Variants in ST6GALNAC3 observed in about 807,000 individuals in gnomAD.
ST6GALNAC3 encodes the protein alpha-N-acetylgalactosaminide alpha-2,6-sialyltransferase 3.
A neutral mutation model predicts 32.7 loss-of-function variants in ST6GALNAC3; 25 were observed. That is an observed-to-expected ratio of 0.76 (90% CI 0.56 to 1.07). The LOEUF (loss-of-function observed/expected upper bound fraction) is 1.07, where lower values mean the gene tolerates loss of function less well. ST6GALNAC3 is among the 50% of genes least tolerant of loss of function. The probability of loss-of-function intolerance (pLI) is 0.00; values close to 1 mark genes in which losing one functional copy is unlikely to be tolerated. For missense variants in ST6GALNAC3, 355 were observed against 382.4 expected (o/e 0.93, Z 0.60); for synonymous variants, 129 against 133.1 (o/e 0.97, Z 0.21).
rs1657638995 is a variant in ST6GALNAC3 at position 76,454,603 on chromosome 1, A to C, written c.623+42186A>C. 2.0e-5 allele frequency among the ~76,000 whole-genome samples: 3 copies of C among 152,174 alleles called. No homozygotes were observed. The South Asian group carries it at 6.2e-4, about 32-fold the overall frequency. Reference sequence around the variant, plus strand: ...GTTGTTTTGTTTAAGGAGACTGAAAATAGGGCCCAAATCCCTTCTAGCTTG... The same window carrying C: ...GTTGTTTTGTTTAAGGAGACTGAAACTAGGGCCCAAATCCCTTCTAGCTTG... On this transcript the variant is annotated intron_variant, in intron 3 of 4. Coordinates refer to ENST00000328299, the MANE Select transcript of ST6GALNAC3 (RefSeq NM_152996.4).
At chr1:76,363,105 C>T (rs1436949469) in intron 2 of ST6GALNAC3, among the ~76,000 whole-genome samples, 1 of 152,196 alleles carries the variant, frequency 6.6e-6, no homozygotes, top group Admixed American at 6.6e-5. Context: ...CATGGACAGG[C>T]TGCAAATTTT....
chr1:76,360,335 T>C (rs1437321675), intron 2 of ST6GALNAC3, among the ~76,000 whole-genome samples: 1 of 152,180 alleles, frequency 6.6e-6, no homozygotes, highest in African/African-American at 2.4e-5. Context: ...TGTTGTTCTC[T>C]TTACATTCAG....
At chr1:76,122,531 C>A (rs867384982) in intron 1 of ST6GALNAC3, among the ~76,000 whole-genome samples, 1 of 152,104 alleles carries the variant, frequency 6.6e-6, no homozygotes, top group Non-Finnish European at 1.5e-5. Context: ...CAAGGTGAAC[C>A]GAAGACTCCT....
intron 1 of ST6GALNAC3, among the ~76,000 whole-genome samples, chr1:76,105,297 C>A (rs995551311): frequency 1.6e-4 from 24 of 152,200 alleles, no homozygotes; most frequent in Admixed American, 1.6e-3. Context: ...CATCCACTTA[C>A]CTCTAATGGC....
chr1:76,209,126 C>G (rs1165867946), intron 1 of ST6GALNAC3, among the ~76,000 whole-genome samples: 3 of 152,122 alleles, frequency 2.0e-5, no homozygotes, highest in Admixed American at 1.3e-4. Flanking sequence ...AATTTTCAGA[C>G]TGTTACTCTG....
intron 3 of ST6GALNAC3, among the ~76,000 whole-genome samples, chr1:76,460,024 A>G (rs1405616403): frequency 1.3e-5 from 2 of 152,222 alleles, no homozygotes; most frequent in African/African-American, 2.4e-5. Context: ...TGATGGATAC[A>G]GTAAGTCTAT....
At chr1:76,500,443 TC>T (rs1306041664) in intron 3 of ST6GALNAC3, among the ~76,000 whole-genome samples, 1 of 152,206 alleles carries the variant, frequency 6.6e-6, no homozygotes, top group Non-Finnish European at 1.5e-5. Context: ...TAAGATTCAT[TC>T]TGTAGGGCTG....
chr1:76,422,627 T>C (rs554065734), intron 3 of ST6GALNAC3, among the ~76,000 whole-genome samples: 2 of 152,104 alleles, frequency 1.3e-5, no homozygotes, highest in Admixed American at 6.6e-5. Context: ...TCCTGGACTT[T>C]CTGGGTTGGT....
intron 3 of ST6GALNAC3, among the ~76,000 whole-genome samples, chr1:76,607,931 G>T (rs1647669024): frequency 2.0e-5 from 3 of 152,148 alleles, no homozygotes; most frequent in Admixed American, 2.0e-4. Context: ...ATCTTTTGCA[G>T]CTATACTATC....
In ST6GALNAC3 at chr1:76,133,791, T is replaced by G. The variant is rs528544292; in HGVS notation, c.18+58907T>G. On this transcript the variant is annotated intron_variant, in intron 1 of 4. Transcript: ENST00000328299. The stretch of plus-strand genomic sequence containing the variant: ...CTTCCAGGAGGAGGATCCCACAGAC[T>G]TTTGCTCACTGCATCTTCTACAGGT... Among the ~76,000 whole-genome samples the G allele has an allele frequency of 5.5e-4, 83 of 152,272 alleles. No individual in the cohort carries two copies. In the Middle Eastern group the frequency reaches 0.01, roughly 19 times the overall value.
intron 2 of ST6GALNAC3, among the ~76,000 whole-genome samples, chr1:76,396,215 A>G (rs1652943812): frequency 6.6e-6 from 1 of 152,258 alleles, no homozygotes; most frequent in South Asian, 2.1e-4. Flanking sequence ...CTGTAGTTCC[A>G]GCATTTTGGA....
intron 2 of ST6GALNAC3, among the ~76,000 whole-genome samples, chr1:76,396,623 T>C (rs982142361): frequency 2.0e-5 from 3 of 152,328 alleles, no homozygotes; most frequent in East Asian, 1.9e-4. Flanking sequence ...TATGAATTGC[T>C]AATAAAAGCC....
intron 1 of ST6GALNAC3, among the ~76,000 whole-genome samples, chr1:76,225,082 CT>C (rs969940248): frequency 6.0e-4 from 89 of 149,196 alleles, no homozygotes; most frequent in African/African-American, 1.9e-3. Flanking sequence ...TGAAGCCCTC[CT>C]TTTTTTTTTC....
In ST6GALNAC3 at chr1:76,630,689, CTT is replaced by C; in HGVS notation, c.*1884_*1885del. The C allele has an allele frequency of 2.0e-6, 2 of 985,662 alleles. No individual in the cohort carries two copies. Among genetic ancestry groups the C allele is most frequent in the Non-Finnish European group, 2.4e-6 (2 of 829,834 alleles). 61.1% of individuals were successfully genotyped at this position (985,662 alleles called of 1,614,324 possible). A position where few individuals can be genotyped will look rare whatever the true frequency, so the allele number is the denominator to read the frequency against. On this transcript the variant is annotated 3_prime_UTR_variant, in exon 5 of 5. Transcript: ENST00000328299. ...TGGATAAAGGCCTTTTGCCTACTCT[CTT>C]CTGCAATTTTGACACCTCAATATTC...
At chr1:76,291,514 A>G (rs967478525) in intron 1 of ST6GALNAC3, among the ~76,000 whole-genome samples, 2 of 152,242 alleles carry the variant, frequency 1.3e-5, no homozygotes, top group African/African-American at 4.8e-5. Context: ...CAAGTTAAAG[A>G]GGAATAACAG....
intron 1 of ST6GALNAC3, among the ~76,000 whole-genome samples, chr1:76,238,430 G>A (rs1382259727): frequency 1.3e-5 from 2 of 152,192 alleles, no homozygotes; most frequent in South Asian, 2.1e-4. Flanking sequence ...CCATTACGGG[G>A]TATTTTAAGC....
chr1:76,250,160 T>C (rs1470603712), intron 1 of ST6GALNAC3, among the ~76,000 whole-genome samples: 1 of 152,216 alleles, frequency 6.6e-6, no homozygotes, highest in South Asian at 2.1e-4. Context: ...GTGACAGATC[T>C]AAGGAATCAG....
chr1:76,492,686 C>T (rs1660574998), intron 3 of ST6GALNAC3, among the ~76,000 whole-genome samples: 2 of 152,126 alleles, frequency 1.3e-5, no homozygotes, highest in South Asian at 4.1e-4. Flanking sequence ...AGCATACGTA[C>T]AAGCCCACCC....
chr1:76,532,210 C>G (rs766442971), intron 3 of ST6GALNAC3, among the ~76,000 whole-genome samples: 1 of 152,132 alleles, frequency 6.6e-6, no homozygotes, highest in Non-Finnish European at 1.5e-5. Context: ...CTTGAGCCTG[C>G]CATTTTCACC....
Sources: allele counts gnomAD v4.1 joint callset (sites outside exome capture counted in the v4.1 genomes callset), GRCh38; gene constraint gnomAD v4.1.1; transcripts MANE v1.5; gene names NCBI Gene and HGNC (gene_info 2026-07-23, HGNC 2026-07-21).